BNC2: variants seen among roughly 807,000 people sequenced by gnomAD.
BNC2 encodes basonuclin zinc finger protein 2.
BNC2 carries 20 observed loss-of-function variants against 76.3 expected under a neutral mutation model. That is an observed-to-expected ratio of 0.26 (90% confidence interval 0.18 to 0.38). BNC2 has a LOEUF of 0.38. Among genes scored for constraint, BNC2 ranks in the 10% least tolerant of loss-of-function variants. BNC2 has a pLI of 1.00. For missense variants in BNC2, 1,382 were observed against 1,399.8 expected (o/e 0.99, Z 0.20); for synonymous variants, 582 against 514.8 (o/e 1.13, Z -1.77).
chr9:16,615,650 A>G (rs971385865), intron 3 of BNC2, among the ~76,000 whole-genome samples: 2 of 152,158 alleles, frequency 1.3e-5, no homozygotes, highest in African/African-American at 2.4e-5. Context: ...ATTCAGCTTT[A>G]ATTGTTTCCT....
chr9:16,672,616 T>A (rs912580067), intron 3 of BNC2, among the ~76,000 whole-genome samples: 1 of 152,352 alleles, frequency 6.6e-6, no homozygotes, highest in East Asian at 1.9e-4. Flanking sequence ...AATCACCCTA[T>A]GCATAATCCT....
chr9:16,530,834 G>A (rs1817953045), intron 5 of BNC2, among the ~76,000 whole-genome samples: 1 of 152,188 alleles, frequency 6.6e-6, no homozygotes, highest in Non-Finnish European at 1.5e-5. Flanking sequence ...GGCATGAGGA[G>A]ATGCAGGGGA....
At chr9:16,664,796 G>A (rs180860212) in intron 3 of BNC2, among the ~76,000 whole-genome samples, 45 of 152,100 alleles carry the variant, frequency 3.0e-4, no homozygotes, top group African/African-American at 1.1e-3. Flanking sequence ...AGCTGAAAAC[G>A]CTGTTCTGCT....
At chr9:16,596,348 C>T (rs899866051) in intron 3 of BNC2, among the ~76,000 whole-genome samples, 5 of 151,964 alleles carry the variant, frequency 3.3e-5, no homozygotes, top group African/African-American at 1.2e-4. Context: ...CCTATAGGTA[C>T]GTGAATGTAC....
intron 1 of BNC2, among the ~76,000 whole-genome samples, chr9:16,826,168 T>C (rs1818450382): frequency 6.6e-6 from 1 of 152,008 alleles, no homozygotes; most frequent in African/African-American, 2.4e-5. Flanking sequence ...AGCTAGTCAC[T>C]GGTGACAAAT....
At chr9:16,599,218 T>C (rs992924167) in intron 3 of BNC2, among the ~76,000 whole-genome samples, 10 of 152,156 alleles carry the variant, frequency 6.6e-5, no homozygotes, top group Admixed American at 1.3e-4. Context: ...ATAACTGAAC[T>C]GTGGAGCAAA....
chr9:16,870,555 G>T (rs1586950115), intron 1 of BNC2, 91 bp downstream of exon 1: 1 of 1,468,272 alleles, frequency 6.8e-7, no homozygotes, highest in Non-Finnish European at 9.3e-7. Flanking sequence ...GGGCGGACAC[G>T]GCCCCCGGGC....
At chr9:16,838,257 C>G (rs748379953) in intron 1 of BNC2, among the ~76,000 whole-genome samples, 6 of 152,012 alleles carry the variant, frequency 3.9e-5, no homozygotes, top group Non-Finnish European at 7.4e-5. Context: ...TAGACTTTTA[C>G]AGGAAAAACA....
At chr9:16,789,768 C>G (rs528868974) in intron 1 of BNC2, among the ~76,000 whole-genome samples, 1 of 152,314 alleles carries the variant, frequency 6.6e-6, no homozygotes, top group East Asian at 1.9e-4. Context: ...TCCAAATTCT[C>G]TGAGAAACGA....
At chr9:16,575,179 T>C (rs1819447314) in intron 4 of BNC2, 1 of 777,336 alleles carries the variant, frequency 1.3e-6, no homozygotes, top group Non-Finnish European at 1.6e-6. Flanking sequence ...AGATTCTACC[T>C]ACAGTAGGTG....
chr9:16,673,544 A>G (rs888953011), intron 3 of BNC2, among the ~76,000 whole-genome samples: 1 of 152,170 alleles, frequency 6.6e-6, no homozygotes, highest in Non-Finnish European at 1.5e-5. Context: ...GTCCCAGTCA[A>G]GAAAGATCTG....
At chr9:16,516,023 A>G (rs1817411201) in intron 5 of BNC2, among the ~76,000 whole-genome samples, 1 of 152,084 alleles carries the variant, frequency 6.6e-6, no homozygotes, top group Non-Finnish European at 1.5e-5. Context: ...AGTGACCTTA[A>G]GTAAGAGACT....
chr9:16,729,355 C>T (rs1178412117), intron 2 of BNC2, among the ~76,000 whole-genome samples: 1 of 152,214 alleles, frequency 6.6e-6, no homozygotes, highest in Non-Finnish European at 1.5e-5. Context: ...TACCACTCTC[C>T]TTGTTCCTTC....
In BNC2 at chr9:16,411,756, C is replaced by G. The variant is rs1182731438; in HGVS notation, c.*7233G>C. On this transcript the variant is annotated 3_prime_UTR_variant, in exon 7 of 7. Coordinates refer to ENST00000380672, the MANE Select transcript of BNC2 (RefSeq NM_017637.6). ...CTATCCCTAAATCTGCTGCTGTTCTCTCCTTGCTAAAGTTCATATGGAAGA... is the reference window on the plus strand; with the variant it reads ...CTATCCCTAAATCTGCTGCTGTTCTGTCCTTGCTAAAGTTCATATGGAAGA... 6.6e-6 allele frequency: 1 copy of G among 152,570 alleles called. No homozygotes were observed. Among genetic ancestry groups the G allele is most frequent in the East Asian group, 1.9e-4 (1 of 5,194 alleles). The allele number at this position is 152,570 out of a possible 1,614,324, so 9.5% of individuals were successfully genotyped here. A position where few individuals can be genotyped will look rare whatever the true frequency, so the allele number is the denominator to read the frequency against.
chr9:16,858,123 T>G (rs1181745459), intron 1 of BNC2, among the ~76,000 whole-genome samples: 1 of 152,218 alleles, frequency 6.6e-6, no homozygotes, highest in Admixed American at 6.5e-5. Flanking sequence ...TCTGTTGGTG[T>G]TTTTCTAGTC....
chr9:16,587,199 C>CT (rs5896697), intron 3 of BNC2, among the ~76,000 whole-genome samples: 115,682 of 137,644 alleles, frequency 0.84, 48,956 homozygotes, highest in East Asian at 0.97. Flanking sequence ...GACTAGGAAT[C>CT]TTTTTTTTTT....
At chr9:16,490,180 A>C (rs1238077723) in intron 5 of BNC2, among the ~76,000 whole-genome samples, 1 of 152,172 alleles carries the variant, frequency 6.6e-6, no homozygotes, top group Non-Finnish European at 1.5e-5. Context: ...GACTGTGAAG[A>C]AAAAAAGGTT....
chr9:16,668,194 C>T (rs555296029), intron 3 of BNC2, among the ~76,000 whole-genome samples: 58 of 152,304 alleles, frequency 3.8e-4, no homozygotes, highest in Admixed American at 1.0e-3. Context: ...CACTGTGTTG[C>T]CCAGGCTAGT....
At chr9:16,780,176 C>A (rs2135540632) in intron 1 of BNC2, among the ~76,000 whole-genome samples, 1 of 129,472 alleles carries the variant, frequency 7.7e-6, no homozygotes, top group Non-Finnish European at 1.6e-5. Flanking sequence ...GCGGAGCTTG[C>A]AGTGAGCCGA....
Sources: gnomAD v4.1 joint callset for allele counts (sites outside exome capture counted in the v4.1 genomes callset) on GRCh38, gnomAD v4.1.1 for gene constraint, MANE v1.5 for transcripts, NCBI Gene and HGNC (gene_info 2026-07-23, HGNC 2026-07-21) for gene names.